The following OTUD3 variants were observed in gnomAD, a reference collection of about 807,000 sequenced individuals.
OTUD3 encodes the protein OTU domain-containing protein 3.
In OTUD3, 24 loss-of-function variants were observed where a neutral mutation model predicts 46.2. That is an observed-to-expected ratio of 0.52 (90% CI 0.38 to 0.73). The LOEUF (loss-of-function observed/expected upper bound fraction) is 0.73. Among genes scored for constraint, OTUD3 ranks in the 30% least tolerant of loss-of-function variants. The pLI is 0.00. For synonymous variants in OTUD3, 189 were observed against 195.4 expected, an observed-to-expected ratio of 0.97 and a Z score of 0.27; for missense variants, 455 against 523.3, an observed-to-expected ratio of 0.87 and a Z score of 1.27.
intron 6 of OTUD3, 129 bp from the exon 7 acceptor site, chr1:19,906,303 T>C (rs770216449): frequency 1.4e-4 from 103 of 721,388 alleles, no homozygotes; most frequent in Non-Finnish European, 2.1e-4. Context: ...ACATTCGAAT[T>C]TGTCTCAAGG....
In OTUD3 at chr1:19,904,297, A is replaced by G; in HGVS notation, c.637A>G (p.Lys213Glu). ...GATGCTTCATCAAGATGAATCAAAT[A>G]AAAGAGAAAAGATCAAGACAAAGGG... ...FQMLHQDESN[K>E]REKIKTKGMD... The change falls in exon 5 of 8, where the codon AAA becomes GAA. Residue 213 changes from lysine (K) to glutamate (E), a missense_variant. Coordinates refer to ENST00000375120, the MANE Select transcript of OTUD3 (RefSeq NM_015207.2). 1 of 1,607,476 alleles carries G rather than the reference A, an allele frequency of 6.2e-7. No homozygotes were observed. Among genetic ancestry groups the G allele is most frequent in the Non-Finnish European group, 8.5e-7 (1 of 1,177,132 alleles).
Position 19,907,742 on chromosome 1 carries a change from T to G in OTUD3, c.1193T>G (p.Ile398Ser). The G allele has an allele frequency of 2.5e-6, 4 of 1,613,994 alleles. No homozygotes were observed. The highest frequency in any genetic ancestry group is 8.5e-7 in the Non-Finnish European group (1 of 1,179,898). ...GTGAAGACCTTCGCCGCTCTCAACA[T>G]CTGACTCTTTGGCCTCTTGGGAGTT... ...TLVKTFAALNI is the reference protein window; with the variant it reads ...TLVKTFAALNS Residue 398 changes from isoleucine to serine, a missense_variant, in exon 8 of 8, where the codon ATC becomes AGC. Ile to Ser is a moderately radical substitution (Grantham distance 142). Transcript: ENST00000375120.
chr1:19,902,262 C>T (rs1056826901), intron 4 of OTUD3, among the ~76,000 whole-genome samples: 3 of 152,040 alleles, frequency 2.0e-5, no homozygotes, highest in African/African-American at 4.8e-5. Context: ...TGGAGTGCAG[C>T]GGCACGATCG....
chr1:19,909,808 A>C lies in OTUD3; in HGVS notation c.*2062A>C. The stretch of plus-strand genomic sequence containing the variant: ...AGAAGCTGCTAAAAAGTTATTAAAG[A>C]ATATTGGGAACATTTATTTTTTAAA... On this transcript the variant is annotated 3_prime_UTR_variant, in exon 8 of 8. Transcript: ENST00000375120. 1 of 152,502 alleles carries C rather than the reference A, an allele frequency of 6.6e-6. No homozygotes were observed. The highest frequency in any genetic ancestry group is 1.9e-4 in the East Asian group (1 of 5,330). The allele number at this position is 152,502 out of a possible 1,614,324, so 9.4% of individuals were successfully genotyped here. A position where few individuals can be genotyped will look rare whatever the true frequency, so the allele number is the denominator to read the frequency against.
intron 4 of OTUD3, among the ~76,000 whole-genome samples, chr1:19,900,502 T>TA (rs974622704): frequency 1.3e-3 from 191 of 150,642 alleles, no homozygotes; most frequent in African/African-American, 4.2e-3. Flanking sequence ...TAGTTTGACT[T>TA]AAAAAAAAAA....
At chr1:19,882,949 T>C (rs1035944739) in intron 1 of OTUD3, among the ~76,000 whole-genome samples, 1 of 152,182 alleles carries the variant, frequency 6.6e-6, no homozygotes, top group Non-Finnish European at 1.5e-5. Flanking sequence ...AGGGTCCTAA[T>C]CATGGCAGAC....
chr1:19,882,748 GGA>G lies in OTUD3; in HGVS notation c.221+16_221+17del, dbSNP rs2045288622. 2.5e-5 allele frequency: 32 copies of G among 1,305,988 alleles called. No homozygotes were observed. The highest frequency in any genetic ancestry group is 3.0e-5 in the Non-Finnish European group (31 of 1,028,832). The allele number at this position is 1,305,988 out of a possible 1,614,324, so 80.9% of individuals were successfully genotyped here. ...GCCGGGGGACGGGTGAGGCGGGCCG[GGA>G]GCGAGGGAGGCGGCGCCGGGGGACG... On this transcript the variant is annotated intron_variant, in intron 1 of 7. Transcript: ENST00000375120.
In OTUD3 at chr1:19,894,359, T is replaced by C; in HGVS notation, c.371-9T>C. ...AAAGACGTCATTTTTCTTTCCTATT[T>C]CCATGCAGTGGCCAGTTTGGCAAAG... On this transcript the variant is annotated splice_polypyrimidine_tract_variant and intron_variant, in intron 2 of 7. Coordinates refer to ENST00000375120, the MANE Select transcript of OTUD3 (RefSeq NM_015207.2). The C allele has an allele frequency of 6.5e-7, 1 of 1,544,156 alleles. No individual in the cohort carries two copies. The highest frequency in any genetic ancestry group is 8.9e-7 in the Non-Finnish European group (1 of 1,128,254).
Position 19,907,606 on chromosome 1 carries a change from G to GAGA in OTUD3, c.1066_1068dup (p.Lys356dup), listed in dbSNP as rs775997515. The GAGA allele has an allele frequency of 6.2e-7, 1 of 1,614,136 alleles. No homozygotes were observed. Among genetic ancestry groups the GAGA allele is most frequent in the South Asian group, 1.1e-5 (1 of 91,084 alleles). Reference sequence around the variant, plus strand: ...ACAGAGGCGAGAACAGCAGTGGATGGAGAAGAAGAAGCGGCAGGAGGAGAG... The same window carrying GAGA: ...ACAGAGGCGAGAACAGCAGTGGATGGAGAAGAAGAAGAAGCGGCAGGAGGAGAG... On this transcript the variant is annotated inframe_insertion, in exon 8 of 8. Transcript: ENST00000375120.
At chr1:19,890,356 G>C (rs1207153533) in intron 1 of OTUD3, 29 bp from the exon 2 acceptor site, 1 of 1,607,622 alleles carries the variant, frequency 6.2e-7, no homozygotes, top group Admixed American at 1.7e-5. Context: ...ATTTTTGAAA[G>C]GTCTTGACTC....
chr1:19,907,829 T>C lies in OTUD3; in HGVS notation c.*83T>C. 7.4e-7 allele frequency: 1 copy of C among 1,352,476 alleles called. No individual in the cohort carries two copies. The highest frequency in any genetic ancestry group is 1.4e-5 in the South Asian group (1 of 73,314). 83.8% of individuals were successfully genotyped at this position (1,352,476 alleles called of 1,614,324 possible). A position where few individuals can be genotyped will look rare whatever the true frequency, so the allele number is the denominator to read the frequency against. ...ACTTTCCAGTGAGGCCGTCCTTTTA[T>C]AAAACGCAACACAACCAACGAAGCC... On this transcript the variant is annotated 3_prime_UTR_variant, in exon 8 of 8. Coordinates refer to ENST00000375120, the MANE Select transcript of OTUD3 (RefSeq NM_015207.2).
At chr1:19,891,897 TC>T (rs2045452528) in intron 2 of OTUD3, among the ~76,000 whole-genome samples, 2 of 152,256 alleles carry the variant, frequency 1.3e-5, no homozygotes. Flanking sequence ...TACTGGATAG[TC>T]AGCAGTTTAC....
chr1:19,904,818 T>C, intron 5 of OTUD3, 73 bp from the exon 6 acceptor site: 3 of 728,620 alleles, frequency 4.1e-6, no homozygotes, highest in Non-Finnish European at 7.2e-6. Context: ...TTATGATTAT[T>C]GAAGTAGAGC....
In OTUD3 at chr1:19,907,929, T is replaced by A. The variant is rs1557683176; in HGVS notation, c.*183T>A. ...TTTGTTCGAAGTTTTATTAGTGATA[T>A]GTTGGTGTTTTATGAAAATGCAGTG... is the stretch of plus-strand genomic sequence containing the variant. On this transcript the variant is annotated 3_prime_UTR_variant, in exon 8 of 8. Coordinates refer to ENST00000375120, the MANE Select transcript of OTUD3 (RefSeq NM_015207.2). 2.0e-6 allele frequency: 1 copy of A among 512,468 alleles called. No homozygotes were observed. Among genetic ancestry groups the A allele is most frequent in the Non-Finnish European group, 3.4e-6 (1 of 292,942 alleles). 31.7% of individuals were successfully genotyped at this position (512,468 alleles called of 1,614,324 possible).
At chr1:19,885,282 G>A (rs2045341531) in intron 1 of OTUD3, among the ~76,000 whole-genome samples, 1 of 152,150 alleles carries the variant, frequency 6.6e-6, no homozygotes, top group Non-Finnish European at 1.5e-5. Context: ...TCTTGTGTGG[G>A]CTTCATGGAG....
At chr1:19,885,977 CCTGT>C (rs1197663707) in intron 1 of OTUD3, among the ~76,000 whole-genome samples, 1 of 152,110 alleles carries the variant, frequency 6.6e-6, no homozygotes, top group Non-Finnish European at 1.5e-5. Flanking sequence ...TAACCAATAT[CCTGT>C]AATACAGCCT....
intron 3 of OTUD3, 26 bp downstream of exon 3, chr1:19,894,506 C>T (rs1338785695): frequency 1.5e-6 from 2 of 1,310,810 alleles, no homozygotes; most frequent in African/African-American, 1.5e-5. Context: ...AAACATTTAT[C>T]TTAAGCTCTT....
At position 19,911,196 on chromosome 1, in the gene OTUD3, T is replaced by C. The variant is rs1381800307; in HGVS notation, c.*3450T>C. On this transcript the variant is annotated 3_prime_UTR_variant, in exon 8 of 8. Transcript: ENST00000375120. ...TGGGTAGATGCGTAGCTCTTCACTT[T>C]CTTACCTCAAGGCTCTGTCTAGCCA... 2 of 152,280 alleles carry C rather than the reference T, an allele frequency of 1.3e-5. No homozygotes were observed. Among genetic ancestry groups the C allele is most frequent in the African/African-American group, 2.4e-5 (1 of 41,414 alleles). The allele number at this position is 152,280 out of a possible 1,614,324, so 9.4% of individuals were successfully genotyped here. A position where few individuals can be genotyped will look rare whatever the true frequency, so the allele number is the denominator to read the frequency against.
intron 4 of OTUD3, among the ~76,000 whole-genome samples, chr1:19,899,736 C>T (rs748016803): frequency 6.6e-6 from 1 of 152,240 alleles, no homozygotes; most frequent in South Asian, 2.1e-4. Context: ...TTTTCCTGCA[C>T]GGTGCACTTC....
Sources: allele counts gnomAD v4.1 joint callset (sites outside exome capture counted in the v4.1 genomes callset), GRCh38; gene constraint gnomAD v4.1.1; transcripts MANE v1.5; gene names NCBI Gene and HGNC (gene_info 2026-07-23, HGNC 2026-07-21).